Variants in RERE observed in about 807,000 individuals in gnomAD.
RERE encodes arginine-glutamic acid dipeptide repeats.
In RERE, 40 loss-of-function variants were observed where a neutral mutation model predicts 146.1. The observed-to-expected ratio is 0.27, with a 90% CI of 0.21 to 0.36. The LOEUF is 0.36. RERE is among the 10% of genes least tolerant of loss of function. The pLI, the probability that RERE is intolerant of heterozygous loss-of-function variation, is 1.00. For missense variants in RERE, 1,933 were observed against 2,138.7 expected, an observed-to-expected ratio of 0.90 and a Z score of 1.90; for synonymous variants, 1,003 against 866.0, an observed-to-expected ratio of 1.16 and a Z score of -2.78.
chr1:8,612,886 C>A (rs1646809164), intron 4 of RERE, among the ~76,000 whole-genome samples: 2 of 152,316 alleles, frequency 1.3e-5, no homozygotes, highest in South Asian at 2.1e-4. Flanking sequence ...AGACTTTTAT[C>A]TATACTACAC....
intron 11 of RERE, among the ~76,000 whole-genome samples, chr1:8,462,797 C>G (rs1644543808): frequency 6.6e-6 from 1 of 152,146 alleles, no homozygotes; most frequent in Non-Finnish European, 1.5e-5. Flanking sequence ...CCCAGCTGCT[C>G]AGAGGCTGAT....
At position 8,697,494 on chromosome 1, in the gene RERE, G is replaced by A. The variant is rs549037815; in HGVS notation, c.-144-41053C>T. Among the ~76,000 whole-genome samples, 9 of 149,780 alleles carry A rather than the reference G, an allele frequency of 6.0e-5. No homozygotes were observed. The South Asian group carries it at 6.3e-4, about 10-fold the overall frequency. ...TGCAAGCTCCGCCTCCCAGGTTCACGTCATTCTCCTGCCTCCGCCTACCGA... is the reference window on the plus strand; with the variant it reads ...TGCAAGCTCCGCCTCCCAGGTTCACATCATTCTCCTGCCTCCGCCTACCGA... On this transcript the variant is annotated intron_variant, in intron 1 of 22. Coordinates refer to ENST00000400908, the MANE Select transcript of RERE (RefSeq NM_001042681.2).
chr1:8,796,680 T>C (rs1322320243), intron 1 of RERE: 1 of 151,668 alleles, frequency 6.6e-6, no homozygotes, highest in African/African-American at 2.4e-5. Flanking sequence ...ATACTGTAAT[T>C]TAAATGACTA....
At chr1:8,763,558 C>T (rs144168085) in intron 1 of RERE, among the ~76,000 whole-genome samples, 128 of 152,328 alleles carry the variant, frequency 8.4e-4, no homozygotes, top group African/African-American at 3.0e-3. Flanking sequence ...TCACTTGACC[C>T]TGGGAGGCAG....
chr1:8,426,783 C>T (rs978265781), intron 11 of RERE, among the ~76,000 whole-genome samples: 25 of 152,182 alleles, frequency 1.6e-4, no homozygotes, highest in African/African-American at 6.0e-4. Context: ...AACTGGCCCA[C>T]ACTGGGGGAC....
At chr1:8,361,701 C>T (rs1488387178) in intron 17 of RERE, 62 bp downstream of exon 17, 2 of 1,478,298 alleles carry the variant, frequency 1.4e-6, no homozygotes, top group Admixed American at 3.4e-5. Flanking sequence ...AGGGAGAACC[C>T]CGGCTGGGGG....
At chr1:8,708,323 T>C (rs1639597195) in intron 1 of RERE, among the ~76,000 whole-genome samples, 2 of 152,096 alleles carry the variant, frequency 1.3e-5, no homozygotes, top group Admixed American at 1.3e-4. Flanking sequence ...TTTTTGTTTT[T>C]GTTTTGAGGC....
At chr1:8,662,069 T>A (rs372985925) in intron 1 of RERE, among the ~76,000 whole-genome samples, 1 of 152,208 alleles carries the variant, frequency 6.6e-6, no homozygotes, top group Non-Finnish European at 1.5e-5. Flanking sequence ...TCATCTTAAG[T>A]AAGAATATGT....
chr1:8,696,396 C>A (rs530921385), intron 1 of RERE, among the ~76,000 whole-genome samples: 14 of 151,764 alleles, frequency 9.2e-5, no homozygotes, highest in Admixed American at 3.3e-4. Context: ...GCAGATCACC[C>A]GAGCTCAAGA....
chr1:8,604,133 T>G (rs1180667875), intron 4 of RERE, among the ~76,000 whole-genome samples: 1 of 152,122 alleles, frequency 6.6e-6, no homozygotes, highest in Admixed American at 6.6e-5. Context: ...AATGAATCAG[T>G]ATTCTCATCT....
chr1:8,410,075 C>A (rs1643571145), intron 12 of RERE, among the ~76,000 whole-genome samples: 1 of 135,582 alleles, frequency 7.4e-6, no homozygotes, highest in Non-Finnish European at 1.5e-5. Flanking sequence ...CTCAACAGAA[C>A]AAACACAACC....
chr1:8,362,827 A>G lies in RERE; in HGVS notation c.1758T>C (p.Ser586=). ...GGCTGGCTGGCTGCTTCTTCCGACC[A>G]CTGCGTAGTGTCGACATCTGCCCAC... The part of the protein sequence containing the change: ...RSRGSMSTLR[S]GRKKQPASPD... Residue 586 remains serine (S), a synonymous_variant, in exon 16 of 23, where the codon AGT becomes AGC. Coordinates refer to ENST00000400908, the MANE Select transcript of RERE (RefSeq NM_001042681.2). The G allele has an allele frequency of 6.2e-7, 1 of 1,613,366 alleles. No individual in the cohort carries two copies.
chr1:8,663,602 T>C (rs1332008869), intron 1 of RERE, among the ~76,000 whole-genome samples: 3 of 152,198 alleles, frequency 2.0e-5, no homozygotes, highest in African/African-American at 7.2e-5. Context: ...TGTCCTCCAG[T>C]GCAGCCAGCC....
At chr1:8,561,832 T>C (rs1036123349) in intron 4 of RERE, among the ~76,000 whole-genome samples, 2 of 152,204 alleles carry the variant, frequency 1.3e-5, no homozygotes, top group African/African-American at 4.8e-5. Context: ...CACAGGTAAT[T>C]ATGTAATTCC....
At chr1:8,397,848 C>T (rs987374491) in intron 12 of RERE, among the ~76,000 whole-genome samples, 3 of 152,170 alleles carry the variant, frequency 2.0e-5, no homozygotes, top group Non-Finnish European at 2.9e-5. Flanking sequence ...CACACTGTTG[C>T]CAGAATAATC....
intron 10 of RERE, among the ~76,000 whole-genome samples, chr1:8,480,120 CT>C (rs35022247): frequency 0.032 from 3,868 of 119,808 alleles, 168 homozygotes; most frequent in African/African-American, 0.12. Flanking sequence ...TTATTAAAGC[CT>C]TTTTTTGTTT....
intron 1 of RERE, among the ~76,000 whole-genome samples, chr1:8,792,126 C>G (rs1020274396): frequency 2.0e-5 from 3 of 151,614 alleles, no homozygotes; most frequent in African/African-American, 7.3e-5. Flanking sequence ...AACAAAAAGA[C>G]AAAGTATAAG....
intron 11 of RERE, among the ~76,000 whole-genome samples, chr1:8,453,036 C>T (rs529896340): frequency 2.0e-5 from 3 of 152,178 alleles, no homozygotes; most frequent in African/African-American, 2.4e-5. Context: ...CAAGATAAAT[C>T]TACGTGGATC....
chr1:8,444,909 TTTTC>T lies in RERE; in HGVS notation c.1203+21012_1203+21015del, dbSNP rs542882773. 1.5e-3 allele frequency among the ~76,000 whole-genome samples: 223 copies of T among 150,072 alleles called. No homozygotes were observed. The South Asian group carries it at 0.027, about 18-fold the overall frequency. ...TAGAACTGTGCGCCAATTAAACCTC[TTTTC>T]TTTATTTAAAAAAAAAAAAAAAGAT... On this transcript the variant is annotated intron_variant, in intron 11 of 22. Coordinates refer to ENST00000400908, the MANE Select transcript of RERE (RefSeq NM_001042681.2).
Sources: gnomAD v4.1 joint callset for allele counts (sites outside exome capture counted in the v4.1 genomes callset) on GRCh38, gnomAD v4.1.1 for gene constraint, MANE v1.5 for transcripts, NCBI Gene and HGNC (gene_info 2026-07-23, HGNC 2026-07-21) for gene names.